CDH2: variants seen among roughly 807,000 people sequenced by gnomAD.
The protein encoded by CDH2 is cadherin 2.
A neutral mutation model predicts 92.0 loss-of-function variants in CDH2; 17 were observed. The ratio of observed to expected loss-of-function variants is 0.18; its 90% CI spans 0.13 to 0.28. CDH2 has a LOEUF of 0.28. Ranked by LOEUF, CDH2 falls within the 10% of genes least tolerant of loss-of-function variation. CDH2 has a pLI of 1.00. For missense variants in CDH2, 862 were observed against 1,133.1 expected, an observed-to-expected ratio of 0.76 and a Z score of 3.44; for synonymous variants, 419 against 415.9, an observed-to-expected ratio of 1.01 and a Z score of -0.09.
chr18:27,941,066 C>T lies in CDH2; in HGVS notation c.1152-7942G>A, dbSNP rs375227670. On this transcript the variant is annotated intron_variant, in intron 6 of 6. Transcript: ENST00000675173. ...TTTTTTTTTTTTTGAGAAGGAGTCT[C>T]GCTCTGTCGCCCAGGCTGGAGTGCA... is the stretch of plus-strand genomic sequence containing the variant. Among the ~76,000 whole-genome samples the T allele has an allele frequency of 5.7e-4, 80 of 139,940 alleles. 2 individuals are homozygous for T. The East Asian group carries it at 7.9e-3, about 14-fold the overall frequency. The allele number at this position is 139,940 out of a possible 152,430, so 91.8% of individuals were successfully genotyped here. A position where few individuals can be genotyped will look rare whatever the true frequency, so the allele number is the denominator to read the frequency against.
intron 14 of CDH2, among the ~76,000 whole-genome samples, chr18:27,971,694 T>C (rs1316086917): frequency 3.3e-5 from 5 of 152,194 alleles, no homozygotes; most frequent in Non-Finnish European, 5.9e-5. Context: ...AACTTTCCTT[T>C]TGTGAAATCA....
intron 2 of CDH2, among the ~76,000 whole-genome samples, chr18:28,085,015 T>C (rs946977974): frequency 2.0e-5 from 3 of 152,148 alleles, no homozygotes; most frequent in African/African-American, 7.2e-5. Context: ...ACTCTACTCT[T>C]CTATCTAAAA....
chr18:28,129,939 A>G (rs1241009613), intron 2 of CDH2, among the ~76,000 whole-genome samples: 1 of 152,198 alleles, frequency 6.6e-6, no homozygotes, highest in Non-Finnish European at 1.5e-5. Flanking sequence ...TTATTAGGCC[A>G]CCAAAGCAGA....
At chr18:28,050,804 C>T (rs777119531) in intron 2 of CDH2, among the ~76,000 whole-genome samples, 1 of 152,118 alleles carries the variant, frequency 6.6e-6, no homozygotes, top group Non-Finnish European at 1.5e-5. Context: ...TCTCTTCTTG[C>T]ACAGGAGAAG....
At chr18:28,143,217 A>C (rs895173195) in intron 2 of CDH2, among the ~76,000 whole-genome samples, 16 of 152,172 alleles carry the variant, frequency 1.1e-4, no homozygotes, top group African/African-American at 3.9e-4. Flanking sequence ...CATGCAGACC[A>C]CCAATGCAAA....
intron 7 of CDH2, among the ~76,000 whole-genome samples, chr18:28,001,329 T>C (rs1191443076): frequency 6.6e-6 from 1 of 152,162 alleles, no homozygotes; most frequent in East Asian, 1.9e-4. Context: ...CCATAAAACA[T>C]CCAGTCTAAA....
At chr18:28,018,405 T>C (rs1447648024) in intron 2 of CDH2, among the ~76,000 whole-genome samples, 3 of 152,024 alleles carry the variant, frequency 2.0e-5, no homozygotes, top group Non-Finnish European at 4.4e-5. Flanking sequence ...AAAATTCACA[T>C]GGGACCAAAA....
intron 6 of CDH2, among the ~76,000 whole-genome samples, chr18:27,935,707 A>C (rs1382893760): frequency 6.6e-6 from 1 of 152,026 alleles, no homozygotes; most frequent in Non-Finnish European, 1.5e-5. Context: ...TACAAGTCTT[A>C]ATGACCTTTA....
intron 6 of CDH2, among the ~76,000 whole-genome samples, chr18:27,933,885 G>C (rs1478417159): frequency 6.6e-6 from 1 of 152,160 alleles, no homozygotes; most frequent in African/African-American, 2.4e-5. Flanking sequence ...TTGACTTGAA[G>C]GCCATGGTAT....
intron 2 of CDH2, among the ~76,000 whole-genome samples, chr18:28,037,176 T>G (rs1323339449): frequency 2.0e-5 from 3 of 152,186 alleles, no homozygotes; most frequent in African/African-American, 7.2e-5. Flanking sequence ...CTGGGAGTAC[T>G]TGTTAAAATA....
intron 5 of CDH2, among the ~76,000 whole-genome samples, 196 bp from the exon 6 acceptor site, chr18:28,006,189 A>T (rs997287513): frequency 6.6e-6 from 1 of 152,186 alleles, no homozygotes; most frequent in Non-Finnish European, 1.5e-5. Flanking sequence ...ATCATTTACT[A>T]TATGCTAGGC....
intron 1 of CDH2, among the ~76,000 whole-genome samples, chr18:28,156,052 T>G (rs2016205481): frequency 6.6e-6 from 1 of 152,224 alleles, no homozygotes; most frequent in Non-Finnish European, 1.5e-5. Context: ...TTTTTAACTC[T>G]TTCTTGCCTT....
At chr18:28,004,611 G>GA (rs1264427685) in intron 6 of CDH2, among the ~76,000 whole-genome samples, 2 of 151,504 alleles carry the variant, frequency 1.3e-5, no homozygotes, top group African/African-American at 2.4e-5. Flanking sequence ...AAATAATAGA[G>GA]AAAAAAAAGA....
At chr18:28,166,376 C>A (rs1156864879) in intron 1 of CDH2, among the ~76,000 whole-genome samples, 2 of 151,736 alleles carry the variant, frequency 1.3e-5, no homozygotes, top group Non-Finnish European at 2.9e-5. Flanking sequence ...CTTTAAAACA[C>A]AGCTTCATCA....
chr18:28,165,002 T>C (rs1028594162), intron 1 of CDH2, among the ~76,000 whole-genome samples: 3 of 152,330 alleles, frequency 2.0e-5, no homozygotes, highest in Non-Finnish European at 2.9e-5. Context: ...AGCTATAATT[T>C]ATCTGGTTGT....
chr18:28,092,730 T>C (rs1215401257), intron 2 of CDH2, among the ~76,000 whole-genome samples: 1 of 152,142 alleles, frequency 6.6e-6, no homozygotes, highest in African/African-American at 2.4e-5. Flanking sequence ...CATTACTATA[T>C]TTCTAATTTT....
intron 2 of CDH2, among the ~76,000 whole-genome samples, chr18:28,055,644 T>A (rs1246164723): frequency 6.6e-6 from 1 of 152,226 alleles, no homozygotes; most frequent in South Asian, 2.1e-4. Context: ...GAGCTTTAAT[T>A]GGCTTTAAAA....
At chr18:28,165,705 C>T (rs1324138241) in intron 1 of CDH2, among the ~76,000 whole-genome samples, 1 of 149,514 alleles carries the variant, frequency 6.7e-6, no homozygotes, top group East Asian at 1.9e-4. Flanking sequence ...TCAGAGTCCC[C>T]AATCTTTTTT....
At chr18:27,973,139 G>A (rs772542435) in intron 14 of CDH2, among the ~76,000 whole-genome samples, 6 of 152,074 alleles carry the variant, frequency 3.9e-5, no homozygotes, top group Non-Finnish European at 8.8e-5. Flanking sequence ...TCAGGCACTT[G>A]GACTTGGCGG....
Sources: gnomAD v4.1 joint callset for allele counts (sites outside exome capture counted in the v4.1 genomes callset) on GRCh38, gnomAD v4.1.1 for gene constraint, MANE v1.5 for transcripts, NCBI Gene and HGNC (gene_info 2026-07-23, HGNC 2026-07-21) for gene names.